Variants in GPRIN2 observed in about 807,000 individuals in gnomAD.
GPRIN2 encodes the protein G protein regulated inducer of neurite outgrowth 2.
A neutral mutation model predicts 0.3 loss-of-function variants in GPRIN2; 1 was observed. The observed-to-expected ratio is 3.90, with a 90% confidence interval of 1.39 to 18.51. GPRIN2 has a LOEUF of 18.51. Among genes scored for constraint, GPRIN2 ranks in the 30% most tolerant of loss-of-function variants. The pLI is 0.11. For synonymous variants in GPRIN2, 361 were observed against 258.6 expected (o/e 1.40, Z -3.80); for missense variants, 880 against 604.2 (o/e 1.46, Z -4.79).
chr10:46,554,968 A>G (rs1843008978), intron 1 of GPRIN2, among the ~76,000 whole-genome samples: 1 of 152,306 alleles, frequency 6.6e-6, no homozygotes, highest in Non-Finnish European at 1.5e-5. Flanking sequence ...TGTTTGTGAG[A>G]CAGAGTCTCG....
upstream of GPRIN2, among the ~76,000 whole-genome samples, chr10:46,557,430 G>C (rs1257795926): frequency 3.3e-5 from 5 of 152,310 alleles, no homozygotes; most frequent in Non-Finnish European, 5.9e-5. Flanking sequence ...CTGAAGACTG[G>C]TAATCTACCA....
chr10:46,553,226 C>A (rs1476875846), intron 2 of GPRIN2, among the ~76,000 whole-genome samples: 1 of 152,310 alleles, frequency 6.6e-6, no homozygotes, highest in African/African-American at 2.4e-5. Flanking sequence ...GCAGCTCTCA[C>A]CCTTTTTACT....
chr10:46,557,034 T>G (rs1215102096), upstream of GPRIN2, among the ~76,000 whole-genome samples: 1 of 9,788 alleles, frequency 1.0e-4, no homozygotes, highest in Non-Finnish European at 2.0e-4. Flanking sequence ...CCAGTGCCCC[T>G]CGCTCCAGTT....
In GPRIN2 at chr10:46,544,106, T is replaced by C. The variant is rs1374540694; in HGVS notation, c.*5254A>G. ...TTGGAAAGACACCCATCAAAAAGAGTGAGCAAACCTAAAGAAGGGTTCAAT... is the reference window on the plus strand; with the variant it reads ...TTGGAAAGACACCCATCAAAAAGAGCGAGCAAACCTAAAGAAGGGTTCAAT... On this transcript the variant is annotated 3_prime_UTR_variant, in exon 3 of 3. Transcript: ENST00000374314. Among the ~76,000 whole-genome samples the C allele has an allele frequency of 3.3e-5, 5 of 152,278 alleles. No individual in the cohort carries two copies. The highest frequency in any genetic ancestry group is 2.0e-4 in the Admixed American group (3 of 15,288).
Position 46,541,778 on chromosome 10 carries a change from G to C in GPRIN2, c.*7582C>G, listed in dbSNP as rs1841783573. On this transcript the variant is annotated 3_prime_UTR_variant, in exon 3 of 3. Transcript: ENST00000374314. Reference sequence around the variant, plus strand: ...ATCATATTTTAATTATTTTAAAGCAGTGTTTTAAAATAAAAACTAATGAAA... The same window carrying C: ...ATCATATTTTAATTATTTTAAAGCACTGTTTTAAAATAAAAACTAATGAAA... 6.6e-6 allele frequency among the ~76,000 whole-genome samples: 1 copy of C among 152,310 alleles called. No homozygotes were observed. Among genetic ancestry groups the C allele is most frequent in the Non-Finnish European group, 1.5e-5 (1 of 68,058 alleles).
intron 2 of GPRIN2, among the ~76,000 whole-genome samples, chr10:46,551,001 G>T (rs1842537147): frequency 1.3e-5 from 2 of 152,306 alleles, no homozygotes. Context: ...TCTGCCCTAG[G>T]GTGGGGTCCT....
At chr10:46,550,937 A>G (rs888804948) in intron 2 of GPRIN2, among the ~76,000 whole-genome samples, 195 bp from the exon 3 acceptor site, 28 of 152,290 alleles carry the variant, frequency 1.8e-4, no homozygotes, top group African/African-American at 6.3e-4. Flanking sequence ...ATCTCACATT[A>G]GACACAAGGA....
intron 2 of GPRIN2, among the ~76,000 whole-genome samples, chr10:46,550,973 A>T (rs4926044): frequency 6.6e-6 from 1 of 152,106 alleles, no homozygotes; most frequent in Non-Finnish European, 1.5e-5. Context: ...TCTCATCATC[A>T]GTCTCAAGCA....
At chr10:46,550,815 C>T (rs1319723654) in intron 2 of GPRIN2, 73 bp from the exon 3 acceptor site, 2 of 1,457,412 alleles carry the variant, frequency 1.4e-6, no homozygotes, top group African/African-American at 1.4e-5. Context: ...ACTATGAACT[C>T]CCACAGTGCT....
chr10:46,557,065 G>A (rs1284027271), upstream of GPRIN2, among the ~76,000 whole-genome samples: 3 of 82,638 alleles, frequency 3.6e-5, no homozygotes, highest in Admixed American at 1.7e-4. Flanking sequence ...ACCACGCCCC[G>A]CATTGAGGTC....
chr10:46,544,494 T>G lies in GPRIN2; in HGVS notation c.*4866A>C, dbSNP rs1832987914. Among the ~76,000 whole-genome samples the G allele has an allele frequency of 3.4e-4, 52 of 152,406 alleles. No individual in the cohort carries two copies. In the East Asian group the frequency reaches 9.7e-3, roughly 28 times the overall value. On this transcript the variant is annotated 3_prime_UTR_variant, in exon 3 of 3. Transcript: ENST00000374314. ...GCACACCACCATGCCCAGCTAATTT[T>G]TGTATTTTTTGTAGAGATGGGATTT...
Position 46,549,661 on chromosome 10 carries a change from G to A in GPRIN2, c.1076C>T (p.Ala359Val). The A allele has an allele frequency of 6.2e-7, 1 of 1,614,192 alleles. No homozygotes were observed. Among genetic ancestry groups the A allele is most frequent in the Non-Finnish European group, 8.5e-7 (1 of 1,179,976 alleles). The change falls in exon 3 of 3, where the codon GCC becomes GTC. Residue 359 changes from alanine (A) to valine (V), a missense_variant. Physicochemically the swap from Ala to Val is moderately conservative, Grantham distance 64. Coordinates refer to ENST00000374314, the MANE Select transcript of GPRIN2 (RefSeq NM_001385282.1). ...AGTTACCTCTGGGAACACATGCAGGGCTGCAGGCGCTTCCAGGGACGGACT... is the reference window on the plus strand; with the variant it reads ...AGTTACCTCTGGGAACACATGCAGGACTGCAGGCGCTTCCAGGGACGGACT... ...ATSPSLEAPA[A>V]LHVFPEVTLG...
Position 46,544,213 on chromosome 10 carries a change from C to G in GPRIN2, c.*5147G>C, listed in dbSNP as rs1841962662. Among the ~76,000 whole-genome samples, 1 of 152,310 alleles carries G rather than the reference C, an allele frequency of 6.6e-6. No homozygotes were observed. Among genetic ancestry groups the G allele is most frequent in the Admixed American group, 6.5e-5 (1 of 15,294 alleles). ...CTTCCCAGAAACCACACAGAGGAGC[C>G]CGGGTGTGCCAGAAACAGCCTTTCA... is the stretch of plus-strand genomic sequence containing the variant. On this transcript the variant is annotated 3_prime_UTR_variant, in exon 3 of 3. Transcript: ENST00000374314.
chr10:46,557,583 C>G (rs1831735151), upstream of GPRIN2, among the ~76,000 whole-genome samples: 4,282 of 149,970 alleles, frequency 0.029, no homozygotes, highest in African/African-American at 0.1. Context: ...TCCGCAATTC[C>G]CCGCAGCACC....
chr10:46,547,913 C>G lies in GPRIN2; in HGVS notation c.*1447G>C, dbSNP rs1842316020. 6.6e-6 allele frequency among the ~76,000 whole-genome samples: 1 copy of G among 152,308 alleles called. No homozygotes were observed. The highest frequency in any genetic ancestry group is 2.4e-5 in the African/African-American group (1 of 41,484). On this transcript the variant is annotated 3_prime_UTR_variant, in exon 3 of 3. Transcript: ENST00000374314. ...CGCCTTTGTCACTTTGTCCTTGTGG[C>G]CTGTTGAAATGCCACTCCTGCTTTA... is the stretch of plus-strand genomic sequence containing the variant.
Position 46,549,348 on chromosome 10 carries a change from G to A in GPRIN2, c.*12C>T, listed in dbSNP as rs1842440412. ...TCAGTGGGCCCAGGCCAGCTCCAAG[G>A]GCCACAGCTCCTCACTCGGGGGCCG... On this transcript the variant is annotated 3_prime_UTR_variant, in exon 3 of 3. Coordinates refer to ENST00000374314, the MANE Select transcript of GPRIN2 (RefSeq NM_001385282.1). 6.8e-7 allele frequency: 1 copy of A among 1,465,862 alleles called. No individual in the cohort carries two copies. The highest frequency in any genetic ancestry group is 9.0e-7 in the Non-Finnish European group (1 of 1,110,740). The allele number at this position is 1,465,862 out of a possible 1,614,324, so 90.8% of individuals were successfully genotyped here.
At position 46,550,707 on chromosome 10, in the gene GPRIN2, G is replaced by T; in HGVS notation, c.30C>A (p.Pro10=). Residue 10 remains proline, a synonymous_variant, in exon 3 of 3, where the codon CCC becomes CCA. Coordinates refer to ENST00000374314, the MANE Select transcript of GPRIN2 (RefSeq NM_001385282.1). MSSSRPEPG[P]WAPLSPRLQP... is the part of the protein sequence containing the mutation. The stretch of plus-strand genomic sequence containing the variant: ...GAAGGCGGGGGCTCAGGGGTGCCCA[G>T]GGACCCGGCTCGGGGCGGCTGGAGC... The T allele has an allele frequency of 6.6e-7, 1 of 1,510,578 alleles. No homozygotes were observed. The highest frequency in any genetic ancestry group is 2.3e-5 in the East Asian group (1 of 43,188). 93.6% of individuals were successfully genotyped at this position (1,510,578 alleles called of 1,614,324 possible).
intron 1 of GPRIN2, among the ~76,000 whole-genome samples, chr10:46,555,939 G>A (rs1355679616): frequency 6.6e-6 from 1 of 152,308 alleles, no homozygotes; most frequent in Non-Finnish European, 1.5e-5. Context: ...AGGCCTGAAA[G>A]CACCGCACCA....
chr10:46,552,790 G>C (rs1238449196), intron 2 of GPRIN2, among the ~76,000 whole-genome samples: 1 of 152,426 alleles, frequency 6.6e-6, no homozygotes, highest in East Asian at 1.9e-4. Context: ...GGACTGTGCA[G>C]CTCTGAACAC....
Sources: allele counts gnomAD v4.1 joint callset (sites outside exome capture counted in the v4.1 genomes callset), GRCh38; gene constraint gnomAD v4.1.1; transcripts MANE v1.5; gene names NCBI Gene and HGNC (gene_info 2026-07-23, HGNC 2026-07-21).